Variants in CSMD1 observed in about 807,000 individuals in gnomAD.
The protein encoded by CSMD1 is CUB and sushi domain-containing protein 1.
A neutral mutation model predicts 417.5 loss-of-function variants in CSMD1; 213 were observed. The observed-to-expected ratio is 0.51, with a 90% CI of 0.46 to 0.57. CSMD1 has a LOEUF of 0.57. CSMD1 is among the 20% of genes least tolerant of loss of function. CSMD1 has a pLI of 0.00. For missense variants in CSMD1, 6,923 were observed against 4,529.7 expected (o/e 1.53, Z -15.17); for synonymous variants, 2,862 against 1,736.8 (o/e 1.65, Z -16.11).
chr8:3,875,680 C>G (rs1359628988), intron 5 of CSMD1, among the ~76,000 whole-genome samples: 1 of 152,138 alleles, frequency 6.6e-6, no homozygotes, highest in African/African-American at 2.4e-5. Context: ...GAGAGCAGCT[C>G]TGGCTGAGGT....
At chr8:3,806,346 T>C (rs1026950587) in intron 5 of CSMD1, among the ~76,000 whole-genome samples, 63 of 152,120 alleles carry the variant, frequency 4.1e-4, no homozygotes, top group African/African-American at 1.4e-3. Context: ...ACCAAGTATA[T>C]AGAAATGAAA....
chr8:4,029,896 G>A (rs780597554), intron 4 of CSMD1, among the ~76,000 whole-genome samples: 1 of 145,232 alleles, frequency 6.9e-6, no homozygotes, highest in East Asian at 2.1e-4. Context: ...GGAGAAATTG[G>A]TCAAAACAAA....
intron 5 of CSMD1, among the ~76,000 whole-genome samples, chr8:3,832,333 A>G (rs1802425359): frequency 6.6e-6 from 1 of 152,140 alleles, no homozygotes. Context: ...CTTGTTCAAA[A>G]TATATACCGC....
At chr8:3,671,246 G>C (rs894431744) in intron 7 of CSMD1, among the ~76,000 whole-genome samples, 14 of 137,594 alleles carry the variant, frequency 1.0e-4, no homozygotes, top group African/African-American at 3.4e-4. Flanking sequence ...TATATGTGTG[G>C]GATATATATA....
At chr8:3,349,959 TTATAATACC>T (rs1225129458) in intron 21 of CSMD1, among the ~76,000 whole-genome samples, 5 of 146,290 alleles carry the variant, frequency 3.4e-5, no homozygotes, top group East Asian at 2.0e-4. Flanking sequence ...TGTATGTGTG[TTATAATACC>T]TATAATACCT....
intron 2 of CSMD1, among the ~76,000 whole-genome samples, chr8:4,423,801 G>C (rs1160957660): frequency 1.3e-5 from 2 of 151,788 alleles, no homozygotes; most frequent in Non-Finnish European, 2.9e-5. Context: ...CAGTTCACCT[G>C]ATTTCAAGAC....
chr8:4,839,504 AT>A (rs1313525908), intron 1 of CSMD1, among the ~76,000 whole-genome samples: 2 of 152,114 alleles, frequency 1.3e-5, no homozygotes, highest in Admixed American at 1.3e-4. Flanking sequence ...AACAACTGTG[AT>A]TTTTTCTGGG....
chr8:3,167,791 A>G (rs911931571), intron 37 of CSMD1, among the ~76,000 whole-genome samples: 3 of 152,206 alleles, frequency 2.0e-5, no homozygotes, highest in Non-Finnish European at 4.4e-5. Flanking sequence ...TAAGAATCAG[A>G]ATATAACAAT....
chr8:4,551,667 A>AATTT (rs1159639969), intron 2 of CSMD1, among the ~76,000 whole-genome samples: 3 of 151,880 alleles, frequency 2.0e-5, no homozygotes, highest in South Asian at 2.1e-4. Flanking sequence ...TCTCAGGATC[A>AATTT]ATTTATTTAT....
rs183466974 is a variant in CSMD1, at chr8:4,376,922, T to G, written c.415+43031A>C. On this transcript the variant is annotated intron_variant, in intron 3 of 69. Transcript: ENST00000635120. Reference sequence around the variant, plus strand: ...TTTGGACACACTACTGTACTGCAATTTTATGGAACGGGGGTAATGTTCACT... The same window carrying G: ...TTTGGACACACTACTGTACTGCAATGTTATGGAACGGGGGTAATGTTCACT... Among the ~76,000 whole-genome samples the G allele has an allele frequency of 2.6e-3, 395 of 152,254 alleles. 8 individuals are homozygous for G. Among genetic ancestry groups the G allele is most frequent in the Non-Finnish European group, 6.3e-4 (43 of 68,028 alleles).
intron 1 of CSMD1, among the ~76,000 whole-genome samples, chr8:4,700,968 A>G (rs543736356): frequency 6.6e-6 from 1 of 152,300 alleles, no homozygotes; most frequent in South Asian, 2.1e-4. Flanking sequence ...TCCTGCATGT[A>G]CATACTTCTA....
chr8:4,140,509 C>G (rs200254525), intron 3 of CSMD1, among the ~76,000 whole-genome samples: 2 of 150,394 alleles, frequency 1.3e-5, no homozygotes, highest in African/African-American at 2.5e-5. Flanking sequence ...AACAAACAAA[C>G]AAACAAAAAT....
At chr8:3,441,315 C>G (rs535700089) in intron 12 of CSMD1, among the ~76,000 whole-genome samples, 7 of 152,044 alleles carry the variant, frequency 4.6e-5, no homozygotes, top group Admixed American at 3.3e-4. Context: ...GGTTAGTTTC[C>G]TTAGGAAACT....
intron 1 of CSMD1, among the ~76,000 whole-genome samples, chr8:4,701,846 C>G (rs942855252): frequency 5.3e-5 from 8 of 152,118 alleles, no homozygotes; most frequent in African/African-American, 1.9e-4. Context: ...CCATGCAACT[C>G]CATTAAGAAT....
chr8:4,619,719 A>G, intron 2 of CSMD1, among the ~76,000 whole-genome samples: 1 of 152,144 alleles, frequency 6.6e-6, no homozygotes, highest in East Asian at 1.9e-4. Flanking sequence ...ACCTGATTTA[A>G]TAGTATGTGT....
At chr8:4,719,397 C>T (rs1009624857) in intron 1 of CSMD1, among the ~76,000 whole-genome samples, 1 of 152,118 alleles carries the variant, frequency 6.6e-6, no homozygotes, top group Admixed American at 6.5e-5. Context: ...CCCTTCCTGC[C>T]CTATAATTCT....
intron 7 of CSMD1, among the ~76,000 whole-genome samples, chr8:3,667,886 G>T (rs927634720): frequency 1.3e-5 from 2 of 152,140 alleles, no homozygotes; most frequent in Non-Finnish European, 1.5e-5. Flanking sequence ...AAGCAGCCAA[G>T]GCCAGATCAT....
At chr8:4,816,558 A>G (rs1799220992) in intron 1 of CSMD1, among the ~76,000 whole-genome samples, 1 of 152,212 alleles carries the variant, frequency 6.6e-6, no homozygotes, top group East Asian at 1.9e-4. Flanking sequence ...TTTTCATTCA[A>G]CACAGATTTT....
intron 3 of CSMD1, among the ~76,000 whole-genome samples, chr8:4,092,766 C>A (rs770863962): frequency 6.6e-6 from 1 of 151,794 alleles, no homozygotes; most frequent in Non-Finnish European, 1.5e-5. Flanking sequence ...ACTTTTATTC[C>A]TTTTACTGTA....
Sources: gnomAD v4.1 joint callset for allele counts (sites outside exome capture counted in the v4.1 genomes callset) on GRCh38, gnomAD v4.1.1 for gene constraint, MANE v1.5 for transcripts, NCBI Gene and HGNC (gene_info 2026-07-23, HGNC 2026-07-21) for gene names.